The following TACR3 variants were observed in gnomAD, a reference collection of about 807,000 sequenced individuals.
TACR3 encodes the protein tachykinin receptor 3.
TACR3 carries 34 observed loss-of-function variants against 35.0 expected under a neutral mutation model. The ratio of observed to expected loss-of-function variants is 0.97; its 90% CI spans 0.74 to 1.30. The LOEUF is 1.30. TACR3 is among the 50% of genes most tolerant of loss of function. The probability of loss-of-function intolerance (pLI) is 0.00; values close to 1 mark genes in which losing one functional copy is unlikely to be tolerated. For synonymous variants in TACR3, 233 were observed against 221.1 expected, an observed-to-expected ratio of 1.05 and a Z score of -0.48; for missense variants, 558 against 591.7, an observed-to-expected ratio of 0.94 and a Z score of 0.59.
chr4:103,627,760 C>A (rs576787618), intron 3 of TACR3, among the ~76,000 whole-genome samples: 230 of 152,184 alleles, frequency 1.5e-3, no homozygotes, highest in Non-Finnish European at 2.8e-3. Context: ...ACAAGGATAT[C>A]CAGGACTTGA....
At chr4:103,700,539 G>T (rs1722625505) in intron 1 of TACR3, among the ~76,000 whole-genome samples, 1 of 152,080 alleles carries the variant, frequency 6.6e-6, no homozygotes, top group East Asian at 1.9e-4. Context: ...TAGCCTTCAG[G>T]CAGGCTTCTA....
chr4:103,706,254 A>G (rs542657272), intron 1 of TACR3, among the ~76,000 whole-genome samples: 1 of 152,314 alleles, frequency 6.6e-6, no homozygotes, highest in East Asian at 1.9e-4. Context: ...CAAGGAGGTA[A>G]CTGAGTATAC....
intron 1 of TACR3, among the ~76,000 whole-genome samples, chr4:103,677,081 T>G (rs1469617479): frequency 6.6e-6 from 1 of 152,058 alleles, no homozygotes; most frequent in Non-Finnish European, 1.5e-5. Context: ...AAAGAAGACA[T>G]ACATGTGGCC....
At chr4:103,650,313 T>C (rs1319863716) in intron 3 of TACR3, among the ~76,000 whole-genome samples, 7 of 151,666 alleles carry the variant, frequency 4.6e-5, no homozygotes, top group Admixed American at 6.6e-5. Context: ...GCACTGGGGT[T>C]CACCCAAAGC....
intron 3 of TACR3, among the ~76,000 whole-genome samples, chr4:103,648,582 C>T (rs35353351): frequency 9.9e-5 from 15 of 152,134 alleles, no homozygotes; most frequent in East Asian, 9.7e-4. Flanking sequence ...ACATAATGAC[C>T]TCTAGTTCCA....
At chr4:103,650,644 TA>T (rs1172795002) in intron 3 of TACR3, among the ~76,000 whole-genome samples, 950 of 64,588 alleles carry the variant, frequency 0.015, 52 homozygotes, top group African/African-American at 0.071. Context: ...AATATATATT[TA>T]ATATATATAA....
intron 2 of TACR3, among the ~76,000 whole-genome samples, chr4:103,657,949 T>C (rs1725765340): frequency 7.0e-6 from 1 of 143,286 alleles, no homozygotes; most frequent in Non-Finnish European, 1.6e-5. Flanking sequence ...ACATTGCTTT[T>C]ATCTTTTATC....
chr4:103,683,960 C>A (rs945679984), intron 1 of TACR3, among the ~76,000 whole-genome samples: 2 of 151,788 alleles, frequency 1.3e-5, no homozygotes, highest in South Asian at 2.1e-4. Context: ...AAATTTCAAT[C>A]AATTTAACCC....
intron 3 of TACR3, among the ~76,000 whole-genome samples, chr4:103,597,627 C>G (rs1724066740): frequency 6.6e-6 from 1 of 151,568 alleles, no homozygotes; most frequent in Non-Finnish European, 1.5e-5. Context: ...ACAAGAGTCC[C>G]CAGTGTGTGA....
intron 1 of TACR3, among the ~76,000 whole-genome samples, chr4:103,687,076 G>T (rs1407288560): frequency 6.6e-6 from 1 of 152,010 alleles, no homozygotes; most frequent in African/African-American, 2.4e-5. Context: ...TCCCTGGGAT[G>T]CAAGGCTGGT....
intron 1 of TACR3, among the ~76,000 whole-genome samples, chr4:103,689,817 C>G (rs1388593916): frequency 6.6e-6 from 1 of 152,038 alleles, no homozygotes; most frequent in Non-Finnish European, 1.5e-5. Context: ...TTTGATGAAG[C>G]ACATTAATCC....
At position 103,697,383 on chromosome 4, in the gene TACR3, GTTATTTATTTATTTATTTGTTTAT is replaced by G. The variant is rs1465325959; in HGVS notation, c.548+21721_548+21744del. The stretch of plus-strand genomic sequence containing the variant: ...GAGCCATGTTGTTGGGGGCACTTGT[GTTATTTATTTATTTATTTGTTTAT>G]TTATTTATTTATTTATTTATTTATT... On this transcript the variant is annotated intron_variant, in intron 1 of 4. Transcript: ENST00000304883. 1.4e-3 allele frequency among the ~76,000 whole-genome samples: 209 copies of G among 148,810 alleles called. 1 individual carries two copies. Among genetic ancestry groups the G allele is most frequent in the African/African-American group, 4.9e-3 (196 of 39,690 alleles).
chr4:103,693,812 T>C (rs1722464426), intron 1 of TACR3, among the ~76,000 whole-genome samples: 2 of 152,114 alleles, frequency 1.3e-5, no homozygotes, highest in African/African-American at 4.8e-5. Context: ...TTAGAGATTT[T>C]TTTCCCAGGT....
At chr4:103,602,178 C>T (rs1027510736) in intron 3 of TACR3, among the ~76,000 whole-genome samples, 13 of 152,188 alleles carry the variant, frequency 8.5e-5, no homozygotes, top group African/African-American at 1.2e-4. Flanking sequence ...TTGATCGCAT[C>T]GGCTACTGAG....
chr4:103,644,322 G>A (rs907566478), intron 3 of TACR3, among the ~76,000 whole-genome samples: 3 of 151,810 alleles, frequency 2.0e-5, no homozygotes, highest in Non-Finnish European at 4.4e-5. Flanking sequence ...TGTATACATG[G>A]TAATATTATA....
At position 103,658,355 on chromosome 4, in the gene TACR3, T is replaced by A. The variant is rs1259988476; in HGVS notation, c.597A>T (p.Ala199=). 6.2e-7 allele frequency: 1 copy of A among 1,613,954 alleles called. No homozygotes were observed. Among genetic ancestry groups the A allele is most frequent in the Non-Finnish European group, 8.5e-7 (1 of 1,179,944 alleles). ...AAATACTTCCAATGACAATCTTGGTTGCTGTAGCAGACAGTCTGGGTTTCA... is the reference window on the plus strand; with the variant it reads ...AAATACTTCCAATGACAATCTTGGTAGCTGTAGCAGACAGTCTGGGTTTCA... ...DPLKPRLSAT[A]TKIVIGSIWI... The change falls in exon 2 of 5, where the codon GCA becomes GCT. Residue 199 remains alanine, a synonymous_variant. Coordinates refer to ENST00000304883, the MANE Select transcript of TACR3 (RefSeq NM_001059.3).
In TACR3 at chr4:103,652,999, T is replaced by C. The variant is rs1578244207; in HGVS notation, c.888+3195A>G. Among the ~76,000 whole-genome samples, 3 of 152,122 alleles carry C rather than the reference T, an allele frequency of 2.0e-5. No homozygotes were observed. In the South Asian group the frequency reaches 6.2e-4, roughly 32 times the overall value. Reference sequence around the variant, plus strand: ...CCAGCTATATTTTAAAATTTTATTATTTTGAACAATATGCATATTAGTGCC... The same window carrying C: ...CCAGCTATATTTTAAAATTTTATTACTTTGAACAATATGCATATTAGTGCC... On this transcript the variant is annotated intron_variant, in intron 3 of 4. Coordinates refer to ENST00000304883, the MANE Select transcript of TACR3 (RefSeq NM_001059.3).
intron 3 of TACR3, among the ~76,000 whole-genome samples, chr4:103,605,745 T>C (rs1401046582): frequency 6.6e-6 from 1 of 151,768 alleles, no homozygotes; most frequent in Admixed American, 6.6e-5. Flanking sequence ...GATGAGTAGG[T>C]TGTGAAAATT....
At chr4:103,650,330 T>G (rs1016315716) in intron 3 of TACR3, among the ~76,000 whole-genome samples, 1 of 151,464 alleles carries the variant, frequency 6.6e-6, no homozygotes, top group Non-Finnish European at 1.5e-5. Flanking sequence ...AAGCCTGTTT[T>G]AATCACCATC....
Sources: allele counts gnomAD v4.1 joint callset (sites outside exome capture counted in the v4.1 genomes callset), GRCh38; gene constraint gnomAD v4.1.1; transcripts MANE v1.5; gene names NCBI Gene and HGNC (gene_info 2026-07-23, HGNC 2026-07-21).